The following C2CD2 variants were observed in gnomAD, a reference collection of about 807,000 sequenced individuals.
C2CD2 encodes C2 calcium dependent domain containing 2.
C2CD2 carries 43 observed loss-of-function variants against 74.3 expected under a neutral mutation model. That is an observed-to-expected ratio of 0.58 (90% CI 0.45 to 0.75). The LOEUF (loss-of-function observed/expected upper bound fraction) is 0.75, where lower values mean the gene tolerates loss of function less well. Among genes scored for constraint, C2CD2 ranks in the 30% least tolerant of loss-of-function variants. C2CD2 has a pLI of 0.00. For missense variants in C2CD2, 801 were observed against 916.3 expected (o/e 0.87, Z 1.63); for synonymous variants, 422 against 390.7 (o/e 1.08, Z -0.94).
chr21:41,912,286 C>T (rs2065034165), intron 7 of C2CD2, 46 bp downstream of exon 7: 2 of 1,228,790 alleles, frequency 1.6e-6, no homozygotes, highest in East Asian at 4.7e-5. Flanking sequence ...CGCTCCTGAA[C>T]AGACACGGCC....
At chr21:41,933,434 G>C (rs577341314) in intron 2 of C2CD2, among the ~76,000 whole-genome samples, 1 of 152,146 alleles carries the variant, frequency 6.6e-6, no homozygotes, top group Non-Finnish European at 1.5e-5. Context: ...TGAACTCACC[G>C]AACAGTGTTA....
At chr21:41,898,979 T>A in intron 13 of C2CD2, 74 bp downstream of exon 13, 1 of 1,159,538 alleles carries the variant, frequency 8.6e-7, no homozygotes. Context: ...GGCAGATGAC[T>A]TCAGCTTGGA....
intron 8 of C2CD2, 140 bp from the exon 9 acceptor site, chr21:41,907,924 TG>T: frequency 1.2e-6 from 1 of 847,162 alleles, no homozygotes; most frequent in Non-Finnish European, 1.9e-6. Flanking sequence ...CGTTTCAGAA[TG>T]TTTGAAAAAT....
chr21:41,942,112 A>G, intron 2 of C2CD2, 35 bp downstream of exon 2: 2 of 1,545,670 alleles, frequency 1.3e-6, no homozygotes, highest in Non-Finnish European at 1.7e-6. Flanking sequence ...CATCAAGTTC[A>G]CCTCTTCCTG....
chr21:41,894,794 G>A (rs1444207074), intron 13 of C2CD2: 1 of 456,782 alleles, frequency 2.2e-6, no homozygotes, highest in East Asian at 6.9e-5. Context: ...CACCTTTGGG[G>A]TAAACGATGC....
chr21:41,922,220 G>A (rs1466304069), intron 2 of C2CD2, 135 bp from the exon 3 acceptor site: 14 of 600,788 alleles, frequency 2.3e-5, no homozygotes, highest in Admixed American at 8.4e-5. Context: ...GTGCAGTGGC[G>A]CGATCTCAGC....
At chr21:41,946,883 C>G (rs1029669528) in intron 1 of C2CD2, among the ~76,000 whole-genome samples, 2 of 152,046 alleles carry the variant, frequency 1.3e-5, no homozygotes, top group Non-Finnish European at 2.9e-5. Flanking sequence ...TAATGATCAA[C>G]AGTCTTTAGT....
chr21:41,950,174 T>C (rs539001669), intron 1 of C2CD2, among the ~76,000 whole-genome samples: 76 of 151,472 alleles, frequency 5.0e-4, no homozygotes, highest in Non-Finnish European at 7.7e-4. Context: ...AGAGGAACTC[T>C]GATGGATGGC....
chr21:41,951,023 T>C (rs2065446125), intron 1 of C2CD2, among the ~76,000 whole-genome samples: 1 of 151,822 alleles, frequency 6.6e-6, no homozygotes, highest in African/African-American at 2.4e-5. Context: ...TCAGCCCTAA[T>C]CCGGGATTAG....
At chr21:41,907,838 T>C in intron 8 of C2CD2, 54 bp from the exon 9 acceptor site, 1 of 1,609,970 alleles carries the variant, frequency 6.2e-7, no homozygotes, top group Non-Finnish European at 8.5e-7. Context: ...CGGGCTTCCG[T>C]GAGGACGGAA....
intron 2 of C2CD2, among the ~76,000 whole-genome samples, chr21:41,932,128 A>T (rs2065268003): frequency 2.0e-5 from 3 of 148,682 alleles, no homozygotes; most frequent in Admixed American, 1.4e-4. Context: ...ACCTATGGCC[A>T]ATGATGTAAT....
intron 2 of C2CD2, among the ~76,000 whole-genome samples, chr21:41,940,393 T>G (rs79153250): frequency 0.011 from 1,660 of 152,228 alleles, 25 homozygotes; most frequent in African/African-American, 0.037. Context: ...GGTAAAAATG[T>G]TAAACACACA....
chr21:41,915,415 C>T (rs2065078115), intron 5 of C2CD2, among the ~76,000 whole-genome samples: 2 of 152,004 alleles, frequency 1.3e-5, no homozygotes, highest in Admixed American at 6.6e-5. Flanking sequence ...AACCGGGTTC[C>T]ACCTGTCACT....
chr21:41,914,330 A>G (rs974066622), intron 6 of C2CD2, among the ~76,000 whole-genome samples: 2 of 151,864 alleles, frequency 1.3e-5, no homozygotes, highest in African/African-American at 4.8e-5. Context: ...AAGATAAAAA[A>G]GGCAGGACAA....
At chr21:41,934,163 C>T (rs986403566) in intron 2 of C2CD2, among the ~76,000 whole-genome samples, 8 of 152,152 alleles carry the variant, frequency 5.3e-5, no homozygotes, top group Non-Finnish European at 1.0e-4. Context: ...TGAGGTGGCT[C>T]ACACCTATAA....
chr21:41,911,253 A>G (rs455508), intron 7 of C2CD2, among the ~76,000 whole-genome samples: 84,907 of 151,886 alleles, frequency 0.56, 24,086 homozygotes, highest in African/African-American at 0.62. Context: ...GAAAGCACAC[A>G]TACATCCTTA....
intron 2 of C2CD2, among the ~76,000 whole-genome samples, chr21:41,941,068 T>A (rs894018126): frequency 3.9e-5 from 6 of 152,112 alleles, no homozygotes; most frequent in African/African-American, 9.7e-5. Context: ...AGAGAAAATT[T>A]CAGCTGGTCA....
chr21:41,899,392 G>A lies in C2CD2; in HGVS notation c.1561-30C>T, dbSNP rs748796016. The A allele has an allele frequency of 1.9e-6, 3 of 1,587,206 alleles. No individual in the cohort carries two copies. Among genetic ancestry groups the A allele is most frequent in the South Asian group, 1.1e-5 (1 of 90,036 alleles). ...CAGGGGCAGTGGGGAAGATGACAAG[G>A]GATACATGAAAGGAAGGGAGGGTTT... On this transcript the variant is annotated intron_variant, in intron 12 of 13. Coordinates refer to ENST00000380486, the MANE Select transcript of C2CD2 (RefSeq NM_015500.2). This position sits in a 1 kb window ranked among gnomAD's most constrained non-coding sequence, Gnocchi z 4.4.
intron 13 of C2CD2, among the ~76,000 whole-genome samples, chr21:41,896,403 T>C (rs1313635977): frequency 1.3e-5 from 2 of 152,170 alleles, no homozygotes; most frequent in African/African-American, 4.8e-5. Flanking sequence ...CAAGGTTTCT[T>C]ACTGTTCCAA....
Sources: gnomAD v4.1 joint callset for allele counts (sites outside exome capture counted in the v4.1 genomes callset) on GRCh38, gnomAD v4.1.1 for gene constraint, Gnocchi (gnomAD v3.1) non-coding constraint, MANE v1.5 for transcripts, NCBI Gene and HGNC (gene_info 2026-07-23, HGNC 2026-07-21) for gene names.